The following CCT6B variants were observed in gnomAD, a reference collection of about 807,000 sequenced individuals.
CCT6B encodes chaperonin containing TCP1 subunit 6B, also known as probable T-complex protein 1 subunit zeta-2.
In CCT6B, 49 loss-of-function variants were observed where a neutral mutation model predicts 61.5. That is an observed-to-expected ratio of 0.80 (90% CI 0.63 to 1.01). The LOEUF is 1.01. CCT6B is among the 50% of genes least tolerant of loss of function. The probability of loss-of-function intolerance (pLI) is 0.00; values close to 1 mark genes in which losing one functional copy is unlikely to be tolerated. For missense variants in CCT6B, 666 were observed against 634.7 expected (o/e 1.05, Z -0.53); for synonymous variants, 228 against 214.5 (o/e 1.06, Z -0.55).
Position 34,958,713 on chromosome 17 carries a change from A to G in CCT6B, c.202-19T>C, listed in dbSNP as rs2090376557. Reference sequence around the variant, plus strand: ...GAATTTGCTGGAAAAAGCAAGCAACAGATTTAAAAAGACAGGATGAGATAA... The same window carrying G: ...GAATTTGCTGGAAAAAGCAAGCAACGGATTTAAAAAGACAGGATGAGATAA... On this transcript the variant is annotated intron_variant, in intron 2 of 13. Coordinates refer to ENST00000314144, the MANE Select transcript of CCT6B (RefSeq NM_006584.4). 1.3e-6 allele frequency: 2 copies of G among 1,571,454 alleles called. No individual in the cohort carries two copies. Among genetic ancestry groups the G allele is most frequent in the South Asian group, 1.2e-5 (1 of 81,448 alleles).
rs1454522630 is a variant in CCT6B, at chr17:34,932,382, T to C, written c.1332A>G (p.Leu444=). ...RLGVQAFADA[L]LIIPKVLAQN... ...GTAGTTGTACCTTGGGAATAATGAG[T>C]AAGGCATCAGCAAAAGCTTGGACTC... Residue 444 remains leucine (L), a synonymous_variant, in exon 11 of 14, where the codon TTA becomes TTG. Coordinates refer to ENST00000314144, the MANE Select transcript of CCT6B (RefSeq NM_006584.4). The C allele has an allele frequency of 1.9e-6, 3 of 1,610,302 alleles. No individual in the cohort carries two copies. The Admixed American group carries it at 5.1e-5, about 27-fold the overall frequency.
rs193000483 is a variant in CCT6B, at chr17:34,944,653, G to A, written c.615-1747C>T. Reference sequence around the variant, plus strand: ...AAAAGTAAATGTTTTCCAGCCAGGCGCGGCGGCTCACGCCTGTAATCCCAG... The same window carrying A: ...AAAAGTAAATGTTTTCCAGCCAGGCACGGCGGCTCACGCCTGTAATCCCAG... On this transcript the variant is annotated intron_variant, in intron 5 of 13. Transcript: ENST00000314144. Among the ~76,000 whole-genome samples the A allele has an allele frequency of 3.4e-3, 518 of 152,304 alleles. 4 individuals carry two copies. The highest frequency in any genetic ancestry group is 0.012 in the African/African-American group (501 of 41,564).
intron 3 of CCT6B, 93 bp from the exon 4 acceptor site, chr17:34,954,692 C>T: frequency 1.0e-6 from 1 of 987,058 alleles, no homozygotes; most frequent in Non-Finnish European, 1.5e-6. Flanking sequence ...AAAAAAGTTA[C>T]TCACATTAAT....
rs959811790 is a variant in CCT6B at position 34,958,827 on chromosome 17, T to C, written c.202-133A>G. Reference sequence around the variant, plus strand: ...GCTTCATTCTACAAGTTTACAAGTTTTGTATTATCAATACCTAAATGTCAA... The same window carrying C: ...GCTTCATTCTACAAGTTTACAAGTTCTGTATTATCAATACCTAAATGTCAA... On this transcript the variant is annotated intron_variant, in intron 2 of 13. Transcript: ENST00000314144. The C allele has an allele frequency of 1.1e-4, 68 of 595,728 alleles. No homozygotes were observed. The African/African-American group carries it at 1.2e-3, about 10-fold the overall frequency. 36.9% of individuals were successfully genotyped at this position (595,728 alleles called of 1,614,324 possible). A position where few individuals can be genotyped will look rare whatever the true frequency, so the allele number is the denominator to read the frequency against.
rs372191043 is a variant in CCT6B, at chr17:34,958,652, T to C, written c.244A>G (p.Thr82Ala). The C allele has an allele frequency of 1.2e-6, 2 of 1,601,764 alleles. No homozygotes were observed. Among genetic ancestry groups the C allele is most frequent in the African/African-American group, 2.7e-5 (2 of 74,552 alleles). Reference protein sequence around the residue: ...PTASLIAKVATAQDDVTGDGT... With the variant: ...PTASLIAKVAAAQDDVTGDGT... The stretch of plus-strand genomic sequence containing the variant: ...TCTCCTGTGACGTCATCCTGAGCTG[T>C]TGCTACTTTTGCTATCAAGGAAGCT... The change falls in exon 3 of 14, where the codon ACA becomes GCA. Residue 82 changes from threonine (T) to alanine (A), a missense_variant. Transcript: ENST00000314144.
chr17:34,939,764 T>C, intron 8 of CCT6B, 51 bp from the exon 9 acceptor site: 1 of 1,110,420 alleles, frequency 9.0e-7, no homozygotes, highest in Non-Finnish European at 1.4e-6. Context: ...ACATTAATAC[T>C]AATTTCTCAG....
intron 10 of CCT6B, among the ~76,000 whole-genome samples, chr17:34,935,629 G>A (rs562212638): frequency 6.6e-6 from 1 of 152,210 alleles, no homozygotes; most frequent in Non-Finnish European, 1.5e-5. Context: ...GCCAAGGCAA[G>A]CAGATCACCT....
Position 34,937,750 on chromosome 17 carries a change from G to A in CCT6B, c.1213+1433C>T, listed in dbSNP as rs192956944. On this transcript the variant is annotated intron_variant, in intron 10 of 13. Coordinates refer to ENST00000314144, the MANE Select transcript of CCT6B (RefSeq NM_006584.4). ...TAAGAACTTCTCTTTGAAAGGCACT[G>A]TTAATAATAAAATAAGCCACAGAGG... is the stretch of plus-strand genomic sequence containing the variant. Among the ~76,000 whole-genome samples, 8 of 152,214 alleles carry A rather than the reference G, an allele frequency of 5.3e-5. No homozygotes were observed. The South Asian group carries it at 6.2e-4, about 12-fold the overall frequency.
At position 34,942,807 on chromosome 17, in the gene CCT6B, T is replaced by C. The variant is rs752602042; in HGVS notation, c.714A>G (p.Glu238=). Residue 238 remains glutamate (E), a synonymous_variant, in exon 6 of 14, where the codon GAA becomes GAG. Coordinates refer to ENST00000314144, the MANE Select transcript of CCT6B (RefSeq NM_006584.4). ...AFILICNVSL[E]YEKTEVNSGF... is the part of the protein sequence containing the mutation. ...AAAGTAACACGCACGTTTTTTCATATTCCAGTGAAACGTTGCAAATAAGGA... is the reference window on the plus strand; with the variant it reads ...AAAGTAACACGCACGTTTTTTCATACTCCAGTGAAACGTTGCAAATAAGGA... 1 of 1,597,872 alleles carries C rather than the reference T, an allele frequency of 6.3e-7. No homozygotes were observed. Among genetic ancestry groups the C allele is most frequent in the Non-Finnish European group, 8.5e-7 (1 of 1,171,032 alleles).
chr17:34,942,932 C>T, intron 5 of CCT6B, 26 bp from the exon 6 acceptor site: 1 of 1,293,800 alleles, frequency 7.7e-7, no homozygotes, highest in Non-Finnish European at 1.1e-6. Flanking sequence ...ATGTTTCTTA[C>T]TTTGAATATA....
intron 10 of CCT6B, among the ~76,000 whole-genome samples, chr17:34,935,407 A>G (rs970915338): frequency 6.6e-6 from 1 of 152,252 alleles, no homozygotes; most frequent in African/African-American, 2.4e-5. Context: ...TGTAAATTTT[A>G]TGTTATGTAT....
chr17:34,942,807 T>A lies in CCT6B; in HGVS notation c.714A>T (p.Glu238Asp), dbSNP rs752602042. ...AAAGTAACACGCACGTTTTTTCATATTCCAGTGAAACGTTGCAAATAAGGA... is the reference window on the plus strand; with the variant it reads ...AAAGTAACACGCACGTTTTTTCATAATCCAGTGAAACGTTGCAAATAAGGA... Reference protein sequence around the residue: ...AFILICNVSLEYEKTEVNSGF... With the variant: ...AFILICNVSLDYEKTEVNSGF... The change falls in exon 6 of 14, where the codon GAA (glutamate) becomes GAT (aspartate). Residue 238 changes from glutamate to aspartate, a missense_variant. Physicochemically the swap from Glu to Asp is conservative, Grantham distance 45 (BLOSUM62 2). Coordinates refer to ENST00000314144, the MANE Select transcript of CCT6B (RefSeq NM_006584.4). 2.5e-6 allele frequency: 4 copies of A among 1,597,990 alleles called. No homozygotes were observed. Among genetic ancestry groups the A allele is most frequent in the Admixed American group, 1.7e-5 (1 of 57,376 alleles).
At position 34,954,588 on chromosome 17, in the gene CCT6B, A is replaced by G. The variant is rs776265248; in HGVS notation, c.348T>C (p.Pro116=). Residue 116 remains proline (P), a synonymous_variant, in exon 4 of 14, where the codon CCT becomes CCC. Coordinates refer to ENST00000314144, the MANE Select transcript of CCT6B (RefSeq NM_006584.4). The part of the protein sequence containing the change: ...ADLYISEGLH[P]RIIAEGFEAA... ...CTTCAAATCCTTCAGCTATTATTCT[A>G]GGGTGCAGGCCCTGTTACATCAACA... The G allele has an allele frequency of 6.2e-6, 10 of 1,612,656 alleles. No individual in the cohort carries two copies. The highest frequency in any genetic ancestry group is 8.5e-6 in the Non-Finnish European group (10 of 1,179,268).
intron 4 of CCT6B, among the ~76,000 whole-genome samples, chr17:34,953,719 C>T (rs1291309754): frequency 3.3e-5 from 5 of 151,952 alleles, no homozygotes; most frequent in African/African-American, 1.2e-4. Flanking sequence ...TTTGGAAGCC[C>T]GAGGTGGGTG....
In CCT6B at chr17:34,940,373, C is replaced by T. The variant is rs552331178; in HGVS notation, c.968+166G>A. 1.9e-4 allele frequency among the ~76,000 whole-genome samples: 29 copies of T among 152,264 alleles called. No individual in the cohort carries two copies. In the South Asian group the frequency reaches 3.3e-3, roughly 17 times the overall value. ...GTTCTGCAGTAGGTTAACAACCTTG[C>T]TTTTTGACAGTTCAATTATTTACTG... On this transcript the variant is annotated intron_variant, in intron 8 of 13. Coordinates refer to ENST00000314144, the MANE Select transcript of CCT6B (RefSeq NM_006584.4).
chr17:34,956,164 C>T (rs1411616382), intron 3 of CCT6B, among the ~76,000 whole-genome samples: 1 of 152,194 alleles, frequency 6.6e-6, no homozygotes, highest in African/African-American at 2.4e-5. Flanking sequence ...TCTGATCTGG[C>T]TCCCACTTCC....
At chr17:34,959,190 T>A (rs903528719) in intron 2 of CCT6B, among the ~76,000 whole-genome samples, 3 of 133,208 alleles carry the variant, frequency 2.3e-5, no homozygotes, top group Non-Finnish European at 4.6e-5. Flanking sequence ...AATGGCACAA[T>A]CTCATTCACT....
Position 34,928,096 on chromosome 17 carries a change from A to C in CCT6B, c.1545T>G (p.Ile515Met), listed in dbSNP as rs1436848474. 6.2e-7 allele frequency: 1 copy of C among 1,612,026 alleles called. No homozygotes were observed. The highest frequency in any genetic ancestry group is 8.5e-7 in the Non-Finnish European group (1 of 1,179,042). ...CTCGCATAATTTCATCAACCAGGAGAATGTTGGTGGCAATCACTGTGCTAA... is the reference window on the plus strand; with the variant it reads ...CTCGCATAATTTCATCAACCAGGAGCATGTTGGTGGCAATCACTGTGCTAA... ...LHSCTVIATNILLVDEIMRAG... is the reference protein window; with the variant it reads ...LHSCTVIATNMLLVDEIMRAG... Residue 515 changes from isoleucine to methionine, a missense_variant, in exon 14 of 14, where the codon ATT (isoleucine) becomes ATG (methionine). Ile to Met is a conservative substitution (Grantham distance 10, BLOSUM62 1). Coordinates refer to ENST00000314144, the MANE Select transcript of CCT6B (RefSeq NM_006584.4).
chr17:34,930,567 C>T (rs1249440427), intron 12 of CCT6B, among the ~76,000 whole-genome samples: 1 of 152,090 alleles, frequency 6.6e-6, no homozygotes, highest in Non-Finnish European at 1.5e-5. Flanking sequence ...AGCTGTCATT[C>T]TCTCTCCACC....
Sources: gnomAD v4.1 joint callset for allele counts (sites outside exome capture counted in the v4.1 genomes callset) on GRCh38, gnomAD v4.1.1 for gene constraint, MANE v1.5 for transcripts, NCBI Gene and HGNC (gene_info 2026-07-23, HGNC 2026-07-21) for gene names.